TSGA10: variants seen among roughly 807,000 people sequenced by gnomAD.
The protein encoded by TSGA10 is testis specific 10, also known as testis-specific gene 10 protein.
TSGA10 carries 43 observed loss-of-function variants against 96.6 expected under a neutral mutation model. The ratio of observed to expected loss-of-function variants is 0.44; its 90% CI spans 0.35 to 0.57. TSGA10 has a LOEUF of 0.57. Ranked by LOEUF, TSGA10 falls within the 20% of genes least tolerant of loss-of-function variation. The pLI is 0.01. For missense variants in TSGA10, 703 were observed against 834.4 expected, an observed-to-expected ratio of 0.84 and a Z score of 1.94; for synonymous variants, 229 against 269.9, an observed-to-expected ratio of 0.85 and a Z score of 1.48.
chr2:99,056,806 C>T lies in TSGA10; in HGVS notation c.1404+8133G>A, dbSNP rs376669470. ...AATTACAGACGCTCCTAGAAATACA[C>T]AAAATCCTTCAAAAAAAAAAAAAAA... On this transcript the variant is annotated intron_variant, in intron 16 of 20. Coordinates refer to ENST00000393483, the MANE Select transcript of TSGA10 (RefSeq NM_025244.4). Among the ~76,000 whole-genome samples, 36 of 78,676 alleles carry T rather than the reference C, an allele frequency of 4.6e-4. No individual in the cohort carries two copies. The South Asian group carries it at 0.013, about 27-fold the overall frequency. 51.6% of individuals were successfully genotyped at this position (78,676 alleles called of 152,430 possible).
chr2:99,035,368 C>T lies in TSGA10; in HGVS notation c.1476G>A (p.Glu492=), dbSNP rs1347744392. ...TLHKSVVKME[E]ELQKVQFEKV... ...TTTCAAACTGAACCTTCTGAAGCTC[C>T]TCTTCCATTTTTACAACAGATTTAT... Residue 492 remains glutamate, a synonymous_variant, in exon 17 of 21, where the codon GAG becomes GAA. Coordinates refer to ENST00000393483, the MANE Select transcript of TSGA10 (RefSeq NM_025244.4). The T allele has an allele frequency of 2.5e-6, 4 of 1,613,010 alleles. No individual in the cohort carries two copies. The highest frequency in any genetic ancestry group is 2.2e-5 in the South Asian group (2 of 90,962).
chr2:99,126,489 C>A (rs187917429), intron 2 of TSGA10: 187 of 152,250 alleles, frequency 1.2e-3, no homozygotes, highest in African/African-American at 4.4e-3. Context: ...GTCTTAAATT[C>A]TTTTATACAT....
intron 20 of TSGA10, among the ~76,000 whole-genome samples, chr2:99,000,474 C>T (rs1356998856): frequency 8.6e-5 from 13 of 150,450 alleles, no homozygotes; most frequent in Admixed American, 8.6e-4. Context: ...CCTGCCATTG[C>T]ACTCCAGTCT....
chr2:99,139,218 G>A (rs1339233092), intron 1 of TSGA10, among the ~76,000 whole-genome samples: 5 of 151,950 alleles, frequency 3.3e-5, no homozygotes, highest in East Asian at 1.9e-4. Flanking sequence ...AGTCATGATC[G>A]CACCACTGCA....
intron 2 of TSGA10, among the ~76,000 whole-genome samples, chr2:99,122,812 G>T (rs571740094): frequency 1.3e-5 from 2 of 151,146 alleles, no homozygotes; most frequent in African/African-American, 2.4e-5. Flanking sequence ...AAGAAAGAAA[G>T]AAATTCTGTT....
chr2:99,053,952 T>C (rs2083694803), intron 16 of TSGA10, among the ~76,000 whole-genome samples: 1 of 152,188 alleles, frequency 6.6e-6, no homozygotes, highest in African/African-American at 2.4e-5. Context: ...ATGTTCATAC[T>C]ACCCAAAGCA....
chr2:99,137,598 A>G (rs1026456768), intron 1 of TSGA10, among the ~76,000 whole-genome samples: 4 of 151,044 alleles, frequency 2.6e-5, no homozygotes, highest in African/African-American at 4.9e-5. Flanking sequence ...CTCCCCTCCC[A>G]CAGGATCTCA....
chr2:99,119,874 G>A lies in TSGA10; in HGVS notation c.-491-1188C>T, dbSNP rs140804396. Among the ~76,000 whole-genome samples the A allele has an allele frequency of 3.6e-4, 55 of 152,192 alleles. 2 individuals carry two copies. In the East Asian group the frequency reaches 5.8e-3, roughly 16 times the overall value. On this transcript the variant is annotated intron_variant, in intron 2 of 20. Coordinates refer to ENST00000393483, the MANE Select transcript of TSGA10 (RefSeq NM_025244.4). ...AAAACAAACAGACAAACTACAGGAC[G>A]TGAAACAGATAAACTTCAAGTTGTG...
intron 20 of TSGA10, among the ~76,000 whole-genome samples, chr2:99,002,004 A>G (rs905871453): frequency 2.6e-5 from 4 of 152,216 alleles, no homozygotes; most frequent in Admixed American, 6.5e-5. Flanking sequence ...CCATATCTAC[A>G]TCTGATTGGT....
chr2:99,097,557 G>T (rs547077230), intron 10 of TSGA10, among the ~76,000 whole-genome samples: 4 of 152,058 alleles, frequency 2.6e-5, no homozygotes, highest in African/African-American at 9.7e-5. Context: ...ATCACTAAAA[G>T]AATAATAAAT....
intron 10 of TSGA10, chr2:99,102,732 G>T (rs2090914406): frequency 2.5e-6 from 4 of 1,608,786 alleles, no homozygotes. Flanking sequence ...CTTTGTAGAA[G>T]ATGATACCAC....
chr2:99,029,929 A>T (rs1044828005), intron 17 of TSGA10, among the ~76,000 whole-genome samples: 3 of 152,224 alleles, frequency 2.0e-5, no homozygotes, highest in Admixed American at 6.5e-5. Context: ...AAAATAATAA[A>T]ACTGTTCTTA....
chr2:99,101,968 C>A, intron 10 of TSGA10: 1 of 859,080 alleles, frequency 1.2e-6, no homozygotes, highest in South Asian at 1.5e-5. Context: ...TGCTTTACCA[C>A]ACTGTTCTTA....
chr2:99,013,755 C>A (rs1183129151), intron 20 of TSGA10, among the ~76,000 whole-genome samples: 1 of 151,922 alleles, frequency 6.6e-6, no homozygotes, highest in Non-Finnish European at 1.5e-5. Context: ...GGGGCTCATG[C>A]CTGTAATCCC....
intron 16 of TSGA10, among the ~76,000 whole-genome samples, chr2:99,045,871 A>C (rs1478709774): frequency 1.3e-5 from 2 of 152,170 alleles, no homozygotes; most frequent in African/African-American, 2.4e-5. Context: ...GGCTCAAAAT[A>C]AACGGACGGA....
At chr2:99,083,491 G>A (rs2087805350) in intron 10 of TSGA10, among the ~76,000 whole-genome samples, 1 of 152,002 alleles carries the variant, frequency 6.6e-6, no homozygotes, top group African/African-American at 2.4e-5. Flanking sequence ...AAAATAACAT[G>A]GAGAATTGAG....
chr2:98,997,638 A>C lies in TSGA10; in HGVS notation c.*559T>G, dbSNP rs2077573138. On this transcript the variant is annotated 3_prime_UTR_variant, in exon 21 of 21. Transcript: ENST00000393483. ...ATGTTACTTAGTCTTTGAGTGGTAC[A>C]ATACTATAGGTTTTAAAACCCTGAC... The C allele has an allele frequency of 6.6e-6, 1 of 152,240 alleles. No individual in the cohort carries two copies. The highest frequency in any genetic ancestry group is 2.4e-5 in the African/African-American group (1 of 41,442). The allele number at this position is 152,240 out of a possible 1,614,324, so 9.4% of individuals were successfully genotyped here. A position where few individuals can be genotyped will look rare whatever the true frequency, so the allele number is the denominator to read the frequency against.
chr2:98,999,431 G>A (rs1268087648), intron 20 of TSGA10, among the ~76,000 whole-genome samples: 1 of 152,180 alleles, frequency 6.6e-6, no homozygotes, highest in African/African-American at 2.4e-5. Flanking sequence ...GTGGTTAGAG[G>A]AAAGTAAATT....
intron 20 of TSGA10, among the ~76,000 whole-genome samples, chr2:99,010,508 A>G (rs2078912921): frequency 6.6e-6 from 1 of 152,250 alleles, no homozygotes. Flanking sequence ...ATTTAACCTT[A>G]TCTAGAGATG....
Sources: allele counts gnomAD v4.1 joint callset (sites outside exome capture counted in the v4.1 genomes callset), GRCh38; gene constraint gnomAD v4.1.1; transcripts MANE v1.5; gene names NCBI Gene and HGNC (gene_info 2026-07-23, HGNC 2026-07-21).